Variants in AOX1 observed in about 807,000 individuals in gnomAD.
AOX1 encodes the protein aldehyde oxidase.
Under a neutral mutation model 169.5 loss-of-function variants are expected in AOX1, and 153 were observed. The ratio of observed to expected loss-of-function variants is 0.90; its 90% confidence interval spans 0.79 to 1.03. AOX1 has a LOEUF of 1.03. Ranked by LOEUF, AOX1 falls within the 50% of genes least tolerant of loss-of-function variation. The pLI is 0.00. For synonymous variants in AOX1, 562 were observed against 581.9 expected (o/e 0.97, Z 0.49); for missense variants, 1,656 against 1,663.9 (o/e 1.00, Z 0.08).
At chr2:200,646,069 T>A (rs1248573307) in intron 25 of AOX1, among the ~76,000 whole-genome samples, 2 of 152,178 alleles carry the variant, frequency 1.3e-5, no homozygotes, top group African/African-American at 4.8e-5. Context: ...TTAGTTCTGC[T>A]CTGATCTTGG....
At chr2:200,598,004 G>T (rs1000280605) in intron 4 of AOX1, among the ~76,000 whole-genome samples, 1 of 152,010 alleles carries the variant, frequency 6.6e-6, no homozygotes, top group East Asian at 1.9e-4. Context: ...CTACTCGGGG[G>T]TGCTGAGGTG....
At chr2:200,646,755 A>G (rs1219968089) in intron 25 of AOX1, among the ~76,000 whole-genome samples, 1 of 152,044 alleles carries the variant, frequency 6.6e-6, no homozygotes, top group Non-Finnish European at 1.5e-5. Flanking sequence ...AGGTGTGTAT[A>G]TGTTTAAGAT....
At chr2:200,669,413 C>T (rs2715907) in intron 33 of AOX1, among the ~76,000 whole-genome samples, 162 bp from the exon 34 acceptor site, 65,584 of 151,186 alleles carry the variant, frequency 0.43, 14,452 homozygotes, top group Middle Eastern at 0.5. Context: ...CACTACACTC[C>T]AGTGTCATGC....
At chr2:200,624,066 A>G in intron 19 of AOX1, 83 bp downstream of exon 19, 3 of 1,572,986 alleles carry the variant, frequency 1.9e-6, no homozygotes, top group Non-Finnish European at 1.7e-6. Flanking sequence ...TGTAACAGGA[A>G]AATGTGGCTC....
At position 200,660,058 on chromosome 2, in the gene AOX1, TG is replaced by T; in HGVS notation, c.3366del (p.Trp1122Ter). ...PIISKNPKGT[W>X]KDWAQTAFDE... ...CATCAGCAAGAATCCTAAAGGAACT[TG>T]GAAAGACTGGGTGAGAATCAATGGT... On this transcript the variant is annotated frameshift_variant, in exon 29 of 35. Coordinates refer to ENST00000374700, the MANE Select transcript of AOX1 (RefSeq NM_001159.4). LOFTEE classifies it high-confidence loss of function. The T allele has an allele frequency of 1.9e-6, 3 of 1,613,574 alleles. No individual in the cohort carries two copies. Among genetic ancestry groups the T allele is most frequent in the Non-Finnish European group, 2.5e-6 (3 of 1,179,558 alleles).
chr2:200,618,097 A>G (rs1172715357), intron 16 of AOX1, among the ~76,000 whole-genome samples: 1 of 151,854 alleles, frequency 6.6e-6, no homozygotes, highest in Non-Finnish European at 1.5e-5. Flanking sequence ...CTTTTCTCTC[A>G]TTTTCCCTAG....
chr2:200,615,886 G>C (rs2034744870), intron 15 of AOX1, 85 bp from the exon 16 acceptor site: 1 of 972,986 alleles, frequency 1.0e-6, no homozygotes, highest in African/African-American at 1.6e-5. Flanking sequence ...AGAGATGCTT[G>C]CTAAGACTCA....
intron 18 of AOX1, among the ~76,000 whole-genome samples, chr2:200,621,682 C>CTCTCTA (rs1249806892): frequency 1.3e-5 from 2 of 148,188 alleles, no homozygotes; most frequent in Non-Finnish European, 3.0e-5. Flanking sequence ...TTCATTCTCT[C>CTCTCTA]TCTCTCTCTC....
intron 5 of AOX1, 71 bp downstream of exon 5, chr2:200,599,817 C>T (rs1194182144): frequency 1.6e-6 from 2 of 1,223,558 alleles, no homozygotes; most frequent in African/African-American, 3.1e-5. Flanking sequence ...CGGAATCTCA[C>T]TCTGTTGCCC....
intron 31 of AOX1, 28 bp downstream of exon 31, chr2:200,662,997 G>T: frequency 6.3e-7 from 1 of 1,582,878 alleles, no homozygotes; most frequent in South Asian, 1.1e-5. Flanking sequence ...AGGTCTTCAA[G>T]TTGCACTTAG....
At chr2:200,656,333 A>G (rs565154597) in intron 26 of AOX1, among the ~76,000 whole-genome samples, 1 of 152,264 alleles carries the variant, frequency 6.6e-6, no homozygotes, top group South Asian at 2.1e-4. Flanking sequence ...TTTAGCTTAG[A>G]GACTGGATGT....
At chr2:200,647,961 A>G (rs1389312945) in intron 25 of AOX1, among the ~76,000 whole-genome samples, 1 of 152,030 alleles carries the variant, frequency 6.6e-6, no homozygotes, top group Non-Finnish European at 1.5e-5. Context: ...TCTTTAAGCT[A>G]TCCATTTCCT....
chr2:200,629,191 C>G (rs1246406935), intron 20 of AOX1, among the ~76,000 whole-genome samples: 1 of 152,210 alleles, frequency 6.6e-6, no homozygotes, highest in African/African-American at 2.4e-5. Context: ...ACACCTGGAA[C>G]TGTCACCTAC....
At chr2:200,606,497 T>C (rs1023918686) in intron 10 of AOX1, among the ~76,000 whole-genome samples, 1 of 152,194 alleles carries the variant, frequency 6.6e-6, no homozygotes, top group East Asian at 1.9e-4. Context: ...AAATTTAAAG[T>C]AGTTTTTCTA....
chr2:200,616,386 A>G (rs976650409), intron 16 of AOX1, among the ~76,000 whole-genome samples: 28 of 152,264 alleles, frequency 1.8e-4, no homozygotes, highest in African/African-American at 6.7e-4. Context: ...TGCAGGCATC[A>G]GAGTCCAATA....
chr2:200,677,713 G>A (rs1309370833), downstream of AOX1, among the ~76,000 whole-genome samples: 2 of 152,202 alleles, frequency 1.3e-5, no homozygotes, highest in Non-Finnish European at 2.9e-5. Context: ...TGCTCCGAGT[G>A]CTTGAGATTT....
At chr2:200,656,586 A>G (rs1486830585) in intron 26 of AOX1, among the ~76,000 whole-genome samples, 1 of 152,132 alleles carries the variant, frequency 6.6e-6, no homozygotes, top group Non-Finnish European at 1.5e-5. Context: ...TTTCTGGGAC[A>G]TGCCTACAAC....
At position 200,663,572 on chromosome 2, in the gene AOX1, ACTCT is replaced by A. The variant is rs1226325589; in HGVS notation, c.3543+625_3543+628del. Among the ~76,000 whole-genome samples, 302 of 105,130 alleles carry A rather than the reference ACTCT, an allele frequency of 2.9e-3. 1 individual carries two copies. The highest frequency in any genetic ancestry group is 4.4e-3 in the Middle Eastern group (1 of 226). The allele number at this position is 105,130 out of a possible 152,430, so 69.0% of individuals were successfully genotyped here. A position where few individuals can be genotyped will look rare whatever the true frequency, so the allele number is the denominator to read the frequency against. On this transcript the variant is annotated intron_variant, in intron 31 of 34. Coordinates refer to ENST00000374700, the MANE Select transcript of AOX1 (RefSeq NM_001159.4). ...CACACACACACACACACACACACAC[ACTCT>A]CTCTCTCTCTCTCTCTCTCTCCCCC... is the stretch of plus-strand genomic sequence containing the variant.
intron 20 of AOX1, among the ~76,000 whole-genome samples, chr2:200,631,398 C>T (rs1319986542): frequency 6.6e-6 from 1 of 152,182 alleles, no homozygotes; most frequent in Non-Finnish European, 1.5e-5. Flanking sequence ...AAAGGATTTG[C>T]AAGAGACCCA....
Sources: gnomAD v4.1 joint callset for allele counts (sites outside exome capture counted in the v4.1 genomes callset) on GRCh38, gnomAD v4.1.1 for gene constraint, MANE v1.5 for transcripts, NCBI Gene and HGNC (gene_info 2026-07-23, HGNC 2026-07-21) for gene names.